LRRC7: variants seen among roughly 807,000 people sequenced by gnomAD.
LRRC7 encodes the protein leucine-rich repeat-containing protein 7.
Under a neutral mutation model 175.7 loss-of-function variants are expected in LRRC7, and 23 were observed. That is an observed-to-expected ratio of 0.13 (90% confidence interval 0.09 to 0.19). The LOEUF (loss-of-function observed/expected upper bound fraction) is 0.19. LRRC7 is among the 10% of genes least tolerant of loss of function. LRRC7 has a pLI of 1.00. For missense variants in LRRC7, 1,354 were observed against 1,904.7 expected (o/e 0.71, Z 5.38); for synonymous variants, 685 against 680.9 (o/e 1.01, Z -0.09).
rs976598360 is a variant in LRRC7 at position 69,930,449 on chromosome 1, A to G, written c.648-1058A>G. 3.9e-5 allele frequency among the ~76,000 whole-genome samples: 6 copies of G among 152,354 alleles called. No individual in the cohort carries two copies. The South Asian group carries it at 6.2e-4, about 16-fold the overall frequency. On this transcript the variant is annotated intron_variant, in intron 7 of 26. Coordinates refer to ENST00000651989, the MANE Select transcript of LRRC7 (RefSeq NM_001370785.2). Reference sequence around the variant, plus strand: ...TCAATGGTGTCTGAAGAATTCCTGTATAGGCAGGACTTAAGGACAGAATTC... The same window carrying G: ...TCAATGGTGTCTGAAGAATTCCTGTGTAGGCAGGACTTAAGGACAGAATTC...
intron 3 of LRRC7, among the ~76,000 whole-genome samples, chr1:69,771,346 A>T (rs1416959809): frequency 6.6e-6 from 1 of 152,150 alleles, no homozygotes; most frequent in Non-Finnish European, 1.5e-5. Context: ...TTTTTGCTTA[A>T]AATGTTTTAT....
intron 4 of LRRC7, among the ~76,000 whole-genome samples, chr1:69,792,732 T>C (rs1675267763): frequency 6.6e-6 from 1 of 152,116 alleles, no homozygotes; most frequent in Non-Finnish European, 1.5e-5. Context: ...CAATGCCTAA[T>C]AAATAATAGG....
chr1:69,608,862 CTCTCTATA>C (rs1432676390), intron 1 of LRRC7, among the ~76,000 whole-genome samples: 60 of 22,104 alleles, frequency 2.7e-3, no homozygotes, highest in East Asian at 5.7e-3. Context: ...CTCTCTCTCT[CTCTCTATA>C]TATATATATA....
intron 3 of LRRC7, among the ~76,000 whole-genome samples, chr1:69,763,578 G>C (rs1411777182): frequency 6.6e-6 from 1 of 151,980 alleles, no homozygotes; most frequent in Non-Finnish European, 1.5e-5. Context: ...GCTGCTGGTA[G>C]CAGTACAAGG....
chr1:69,700,272 C>T (rs1570414164), intron 2 of LRRC7, among the ~76,000 whole-genome samples: 2 of 152,254 alleles, frequency 1.3e-5, no homozygotes, highest in East Asian at 3.9e-4. Context: ...ACTTAATCTT[C>T]CTCGCCTCAA....
intron 2 of LRRC7, among the ~76,000 whole-genome samples, chr1:69,746,109 A>AT (rs1669231021): frequency 6.6e-6 from 1 of 151,814 alleles, no homozygotes; most frequent in Admixed American, 6.6e-5. Context: ...TGTAACTTCT[A>AT]TTTTTATCCT....
chr1:69,717,223 T>A (rs200452049), intron 2 of LRRC7, among the ~76,000 whole-genome samples: 1 of 151,764 alleles, frequency 6.6e-6, no homozygotes, highest in East Asian at 1.9e-4. Context: ...ATAAATGTTT[T>A]ATATTTAAAA....
intron 3 of LRRC7, among the ~76,000 whole-genome samples, chr1:69,786,954 C>T (rs1252652686): frequency 6.6e-6 from 1 of 152,200 alleles, no homozygotes; most frequent in African/African-American, 2.4e-5. Flanking sequence ...TACAAAGTCT[C>T]ATCTGAGACA....
chr1:69,627,297 A>T (rs1038533184), intron 1 of LRRC7, among the ~76,000 whole-genome samples: 3 of 152,028 alleles, frequency 2.0e-5, no homozygotes, highest in East Asian at 1.9e-4. Flanking sequence ...CTCATTGTGG[A>T]TTTGATTTGC....
chr1:69,845,490 T>C (rs577711477), intron 7 of LRRC7, among the ~76,000 whole-genome samples: 4 of 152,272 alleles, frequency 2.6e-5, no homozygotes, highest in African/African-American at 9.6e-5. Context: ...GACAGACTTA[T>C]CTAAAATATA....
At position 70,012,954 on chromosome 1, in the gene LRRC7, T is replaced by C. The variant is rs1203980788; in HGVS notation, c.1135-20T>C. 11 of 1,368,324 alleles carry C rather than the reference T, an allele frequency of 8.0e-6. No homozygotes were observed. In the East Asian group the frequency reaches 2.1e-4, roughly 26 times the overall value. The allele number at this position is 1,368,324 out of a possible 1,614,324, so 84.8% of individuals were successfully genotyped here. On this transcript the variant is annotated intron_variant, in intron 12 of 26. Transcript: ENST00000651989. ...TATTGTGGTCTGATTTTTTTACCTA[T>C]TTTCTTTTGTTACCTACAGATTGGA...
chr1:70,020,236 A>T (rs17131125), intron 15 of LRRC7, among the ~76,000 whole-genome samples: 8,710 of 152,058 alleles, frequency 0.057, 494 homozygotes, highest in African/African-American at 0.15. Flanking sequence ...AAAAGAATTT[A>T]GCCTTAACTA....
intron 25 of LRRC7, among the ~76,000 whole-genome samples, chr1:70,097,806 G>A (rs922221998): frequency 6.6e-6 from 1 of 150,568 alleles, no homozygotes; most frequent in African/African-American, 2.4e-5. Flanking sequence ...ATTTTTTATG[G>A]CTGCATAGTA....
chr1:70,032,397 A>G (rs1452094690), intron 18 of LRRC7, among the ~76,000 whole-genome samples: 1 of 148,280 alleles, frequency 6.7e-6, no homozygotes, highest in Non-Finnish European at 1.5e-5. Flanking sequence ...CTTTATCTTA[A>G]AAAAAAAAAG....
intron 8 of LRRC7, among the ~76,000 whole-genome samples, chr1:69,935,358 A>C (rs1300460899): frequency 6.6e-6 from 1 of 152,198 alleles, no homozygotes; most frequent in Non-Finnish European, 1.5e-5. Context: ...GGCATAATAC[A>C]TACTGGTTAT....
intron 1 of LRRC7, among the ~76,000 whole-genome samples, chr1:69,647,220 C>T (rs1570149059): frequency 6.6e-6 from 1 of 152,084 alleles, no homozygotes; most frequent in East Asian, 1.9e-4. Context: ...CTTTGCTAGC[C>T]AGCACTAGAT....
At chr1:70,016,562 T>TA (rs1656978901) in intron 14 of LRRC7, 28 bp downstream of exon 14, 3 of 1,502,500 alleles carry the variant, frequency 2.0e-6, no homozygotes, top group Non-Finnish European at 2.7e-6. Flanking sequence ...CTGATTTATT[T>TA]ATTAAGATGA....
chr1:69,575,484 A>C (rs1359123280), intron 1 of LRRC7, among the ~76,000 whole-genome samples: 1 of 152,112 alleles, frequency 6.6e-6, no homozygotes, highest in Non-Finnish European at 1.5e-5. Context: ...CTTATCCTCC[A>C]CTTTGACTTG....
chr1:69,816,221 G>A (rs1013080325), intron 4 of LRRC7, among the ~76,000 whole-genome samples: 5 of 151,874 alleles, frequency 3.3e-5, no homozygotes, highest in East Asian at 1.9e-4. Flanking sequence ...CAAGCAATCC[G>A]CCCGCCTCAG....
Sources: allele counts gnomAD v4.1 joint callset (sites outside exome capture counted in the v4.1 genomes callset), GRCh38; gene constraint gnomAD v4.1.1; transcripts MANE v1.5; gene names NCBI Gene and HGNC (gene_info 2026-07-23, HGNC 2026-07-21).